Variants in SNTG1 observed in about 807,000 individuals in gnomAD.
The protein encoded by SNTG1 is syntrophin gamma 1.
In SNTG1, 39 loss-of-function variants were observed where a neutral mutation model predicts 74.7. The ratio of observed to expected loss-of-function variants is 0.52; its 90% CI spans 0.40 to 0.68. The LOEUF is 0.68. Ranked by LOEUF, SNTG1 falls within the 30% of genes least tolerant of loss-of-function variation. The pLI is 0.00. For missense variants in SNTG1, 685 were observed against 609.5 expected, an observed-to-expected ratio of 1.12 and a Z score of -1.30; for synonymous variants, 254 against 217.1, an observed-to-expected ratio of 1.17 and a Z score of -1.49.
At chr8:50,571,365 AG>A (rs1353471793) in intron 12 of SNTG1, among the ~76,000 whole-genome samples, 1 of 152,226 alleles carries the variant, frequency 6.6e-6, no homozygotes, top group African/African-American at 2.4e-5. Context: ...ATTGATCCCC[AG>A]GTGACATACT....
chr8:50,204,269 C>A (rs2084107190), intron 2 of SNTG1, among the ~76,000 whole-genome samples: 1 of 152,050 alleles, frequency 6.6e-6, no homozygotes, highest in Admixed American at 6.6e-5. Flanking sequence ...CTACCTAGGT[C>A]TGTACTAGAT....
chr8:50,780,768 T>C (rs1334426911), intron 18 of SNTG1, among the ~76,000 whole-genome samples: 6 of 152,058 alleles, frequency 3.9e-5, no homozygotes, highest in African/African-American at 7.2e-5. Flanking sequence ...TTTGCTCTTG[T>C]TTTTCTAGTT....
At chr8:49,929,613 A>T (rs997872872) in intron 1 of SNTG1, among the ~76,000 whole-genome samples, 20 of 152,180 alleles carry the variant, frequency 1.3e-4, no homozygotes, top group South Asian at 8.3e-4. Context: ...CTGCTGGGTG[A>T]CAGGTGTCAG....
At chr8:50,664,690 T>C (rs2095242162) in intron 15 of SNTG1, among the ~76,000 whole-genome samples, 1 of 152,170 alleles carries the variant, frequency 6.6e-6, no homozygotes, top group African/African-American at 2.4e-5. Flanking sequence ...AACTTAGATC[T>C]CATCCTACAG....
chr8:50,031,744 C>A (rs986755862), intron 1 of SNTG1, among the ~76,000 whole-genome samples: 1 of 151,908 alleles, frequency 6.6e-6, no homozygotes, highest in Non-Finnish European at 1.5e-5. Context: ...ATTTTGTTAA[C>A]AATTTTTTAT....
chr8:50,392,419 G>A (rs527833139), intron 2 of SNTG1, among the ~76,000 whole-genome samples: 69 of 152,208 alleles, frequency 4.5e-4, no homozygotes, highest in African/African-American at 1.6e-3. Flanking sequence ...TTCCTTTTAG[G>A]GTTAAAGCAG....
chr8:50,527,941 T>C (rs1454999561), intron 9 of SNTG1, among the ~76,000 whole-genome samples: 1 of 151,916 alleles, frequency 6.6e-6, no homozygotes, highest in Non-Finnish European at 1.5e-5. Flanking sequence ...AATAATATTT[T>C]AAAACTTCAT....
intron 8 of SNTG1, among the ~76,000 whole-genome samples, chr8:50,481,526 T>A (rs564385462): frequency 1.3e-5 from 2 of 152,298 alleles, no homozygotes; most frequent in South Asian, 2.1e-4. Flanking sequence ...TGTGAAGATT[T>A]TATGTTTAGT....
chr8:50,043,820 C>T (rs934774038), intron 1 of SNTG1, among the ~76,000 whole-genome samples: 10 of 152,124 alleles, frequency 6.6e-5, no homozygotes, highest in Non-Finnish European at 1.2e-4. Context: ...CACACACACA[C>T]CAAAAACAGC....
intron 2 of SNTG1, among the ~76,000 whole-genome samples, chr8:50,250,915 A>G (rs2086618944): frequency 6.6e-6 from 1 of 152,116 alleles, no homozygotes. Context: ...AGGTAAATGC[A>G]TAACCATACC....
intron 9 of SNTG1, among the ~76,000 whole-genome samples, chr8:50,524,424 T>G (rs903519836): frequency 1.3e-5 from 2 of 152,102 alleles, no homozygotes; most frequent in African/African-American, 4.8e-5. Context: ...AGGCAAGAAA[T>G]AATCATGTTA....
At chr8:50,210,105 A>T (rs2084444298) in intron 2 of SNTG1, among the ~76,000 whole-genome samples, 1 of 152,214 alleles carries the variant, frequency 6.6e-6, no homozygotes, top group African/African-American at 2.4e-5. Flanking sequence ...AGCTGATTTG[A>T]TCAAGTGGAA....
At chr8:49,910,405 T>C (rs955924900), upstream of SNTG1, among the ~76,000 whole-genome samples, 48 of 148,872 alleles carry the variant, frequency 3.2e-4, no homozygotes, top group African/African-American at 1.2e-3. Context: ...AAGTTAGGAG[T>C]CTGCAAGGGC....
intron 2 of SNTG1, among the ~76,000 whole-genome samples, chr8:50,285,100 A>G (rs115229779): frequency 0.069 from 10,484 of 151,904 alleles, 405 homozygotes; most frequent in African/African-American, 0.085. Context: ...AGAACAGCAA[A>G]TGTTTCTCTC....
At chr8:50,763,145 G>T (rs192369614) in intron 18 of SNTG1, among the ~76,000 whole-genome samples, 2 of 151,962 alleles carry the variant, frequency 1.3e-5, no homozygotes, top group African/African-American at 2.4e-5. Context: ...GTGATTCTTG[G>T]AATATGACTG....
At chr8:50,790,220 A>T (rs59570820) in intron 18 of SNTG1, among the ~76,000 whole-genome samples, 3,022 of 152,064 alleles carry the variant, frequency 0.02, 96 homozygotes, top group African/African-American at 0.065. Context: ...GTCACTGGAA[A>T]GTAACTCCCA....
intron 8 of SNTG1, chr8:50,457,075 C>G (rs1033755987): frequency 7.9e-5 from 12 of 152,176 alleles, no homozygotes; most frequent in African/African-American, 2.9e-4. Context: ...GAGATTTTAA[C>G]TCAAGGTAAA....
At chr8:50,678,725 A>G (rs184554331) in intron 15 of SNTG1, among the ~76,000 whole-genome samples, 1 of 152,296 alleles carries the variant, frequency 6.6e-6, no homozygotes, top group Admixed American at 6.5e-5. Flanking sequence ...AATTAGAAGC[A>G]TGCAAAATTT....
chr8:50,585,451 C>T (rs1563612483), intron 12 of SNTG1, among the ~76,000 whole-genome samples: 1 of 152,106 alleles, frequency 6.6e-6, no homozygotes, highest in Non-Finnish European at 1.5e-5. Flanking sequence ...AATTATACTC[C>T]CTTTTTAGCT....
Sources: gnomAD v4.1 joint callset for allele counts (sites outside exome capture counted in the v4.1 genomes callset) on GRCh38, gnomAD v4.1.1 for gene constraint, MANE v1.5 for transcripts, NCBI Gene and HGNC (gene_info 2026-07-23, HGNC 2026-07-21) for gene names.